PTPRN2: variants seen among roughly 807,000 people sequenced by gnomAD.
PTPRN2 encodes protein tyrosine phosphatase receptor type N2.
Under a neutral mutation model 118.8 loss-of-function variants are expected in PTPRN2, and 74 were observed. That is an observed-to-expected ratio of 0.62 (90% CI 0.52 to 0.76). The LOEUF (loss-of-function observed/expected upper bound fraction) is 0.76, where lower values mean the gene tolerates loss of function less well. Among genes scored for constraint, PTPRN2 ranks in the 30% least tolerant of loss-of-function variants. The pLI is 0.00. For missense variants in PTPRN2, 1,481 were observed against 1,394.4 expected, an observed-to-expected ratio of 1.06 and a Z score of -0.99; for synonymous variants, 641 against 608.0, an observed-to-expected ratio of 1.05 and a Z score of -0.80.
chr7:157,705,955 C>A (rs1017018610), intron 12 of PTPRN2, among the ~76,000 whole-genome samples: 17 of 152,118 alleles, frequency 1.1e-4, no homozygotes, highest in Non-Finnish European at 2.4e-4. Flanking sequence ...GTGAATCTGA[C>A]GCCAGTGCCT....
intron 3 of PTPRN2, among the ~76,000 whole-genome samples, chr7:158,249,663 A>G (rs1563037645): frequency 6.6e-6 from 1 of 152,352 alleles, no homozygotes; most frequent in East Asian, 1.9e-4. Flanking sequence ...CAGCCAATAA[A>G]ATGTGGAAGA....
intron 3 of PTPRN2, among the ~76,000 whole-genome samples, chr7:158,249,585 G>A (rs1027891777): frequency 2.5e-4 from 38 of 150,934 alleles, no homozygotes; most frequent in African/African-American, 8.3e-4. Flanking sequence ...GCATGCACAC[G>A]CATCACACAC....
Position 158,479,830 on chromosome 7 carries a change from G to A in PTPRN2, c.163+9905C>T, listed in dbSNP as rs7785318. Among the ~76,000 whole-genome samples, 1,397 of 152,362 alleles carry A rather than the reference G, an allele frequency of 9.2e-3. 27 individuals are homozygous for A. The highest frequency in any genetic ancestry group is 0.031 in the African/African-American group (1,285 of 41,596). On this transcript the variant is annotated intron_variant, in intron 2 of 22. Transcript: ENST00000389418. ...CTCGGAGAGCTCACAGGGTACTACG[G>A]GGTGGCGGGCGCAAGCCAGCTCTGC...
Position 157,548,973 on chromosome 7 carries a change from G to A in PTPRN2, c.2949C>T (p.Asp983=). ...DIAATLEHLR[D]QRPGMVQTKE... Reference sequence around the variant, plus strand: ...TCGTCTGGACCATGCCGGGTCTCTGGTCCCTCAAGTGCTCCAGGGTCGCTG... The same window carrying A: ...TCGTCTGGACCATGCCGGGTCTCTGATCCCTCAAGTGCTCCAGGGTCGCTG... The change falls in exon 22 of 23, where the codon GAC becomes GAT. Residue 983 remains aspartate, a synonymous_variant. Transcript: ENST00000389418. 4.3e-6 allele frequency: 7 copies of A among 1,614,182 alleles called. No individual in the cohort carries two copies. Among genetic ancestry groups the A allele is most frequent in the Non-Finnish European group, 5.9e-6 (7 of 1,180,026 alleles).
In PTPRN2 at chr7:158,158,736, T is replaced by A. The variant is rs1319293136; in HGVS notation, c.910+8195A>T. On this transcript the variant is annotated intron_variant, in intron 6 of 22. Transcript: ENST00000389418. Reference sequence around the variant, plus strand: ...CGGGACTTCGCAAGGGCTTTCTGAATGAATGAGTGAACTCGGAAGAATCAG... The same window carrying A: ...CGGGACTTCGCAAGGGCTTTCTGAAAGAATGAGTGAACTCGGAAGAATCAG... 1.2e-4 allele frequency among the ~76,000 whole-genome samples: 3 copies of A among 25,472 alleles called. 1 individual carries two copies. The highest frequency in any genetic ancestry group is 8.2e-4 in the African/African-American group (3 of 3,656). 16.7% of individuals were successfully genotyped at this position (25,472 alleles called of 152,430 possible).
In PTPRN2 at chr7:157,585,522, G is replaced by A. The variant is rs1800627627; in HGVS notation, c.2497-7382C>T. 2.0e-5 allele frequency among the ~76,000 whole-genome samples: 3 copies of A among 152,298 alleles called. No individual in the cohort carries two copies. Among genetic ancestry groups the A allele is most frequent in the East Asian group, 3.9e-4 (2 of 5,182 alleles). On this transcript the variant is annotated intron_variant, in intron 17 of 22. Coordinates refer to ENST00000389418, the MANE Select transcript of PTPRN2 (RefSeq NM_002847.5). The surrounding 1 kb of genome is among the most constrained non-coding windows in gnomAD (Gnocchi z 5.2). Reference sequence around the variant, plus strand: ...TCCACCCGGCCTTTGTGTGACCACCGTGGGTGCCTTTGTGATCAGGCATTG... The same window carrying A: ...TCCACCCGGCCTTTGTGTGACCACCATGGGTGCCTTTGTGATCAGGCATTG...
chr7:157,551,732 CACAACCCACA>C (rs1263399935), intron 21 of PTPRN2, among the ~76,000 whole-genome samples: 16 of 142,868 alleles, frequency 1.1e-4, no homozygotes, highest in African/African-American at 3.4e-4. Context: ...ACAGCCACCA[CACAACCCACA>C]GCCACCACAC....
intron 11 of PTPRN2, among the ~76,000 whole-genome samples, chr7:157,985,838 C>A (rs866663071): frequency 3.1e-4 from 47 of 152,212 alleles, no homozygotes; most frequent in African/African-American, 9.4e-4. Context: ...CTGACGAGAC[C>A]CGGCCTCGCT....
At chr7:157,712,707 C>T (rs768770327) in intron 12 of PTPRN2, among the ~76,000 whole-genome samples, 11 of 140,314 alleles carry the variant, frequency 7.8e-5, no homozygotes, top group Middle Eastern at 4.2e-3. Flanking sequence ...CCCAAGATTG[C>T]GCCATTGCAC....
chr7:157,685,392 G>T (rs1017753833), intron 12 of PTPRN2, among the ~76,000 whole-genome samples: 1 of 152,074 alleles, frequency 6.6e-6, no homozygotes, highest in Non-Finnish European at 1.5e-5. Context: ...TTCTGAGGGG[G>T]CGGCGGGGCC....
chr7:157,689,058 C>T (rs187337661), intron 12 of PTPRN2, among the ~76,000 whole-genome samples: 1 of 152,228 alleles, frequency 6.6e-6, no homozygotes, highest in East Asian at 1.9e-4. Context: ...CGCGTCCACC[C>T]GTGAATCCCG....
intron 14 of PTPRN2, among the ~76,000 whole-genome samples, chr7:157,651,533 C>T (rs773086231): frequency 8.5e-5 from 13 of 152,206 alleles, no homozygotes; most frequent in African/African-American, 1.4e-4. Context: ...AAGGTGGACG[C>T]GGTGGCTCCC....
At chr7:158,441,547 A>ATGGCAG (rs1817220120) in intron 2 of PTPRN2, among the ~76,000 whole-genome samples, 2 of 114,350 alleles carry the variant, frequency 1.7e-5, no homozygotes, top group South Asian at 6.2e-4. Context: ...AGTGATGGTG[A>ATGGCAG]TGGCAGTGAT....
In PTPRN2 at chr7:157,974,325, G is replaced by A. The variant is rs1224124191; in HGVS notation, c.1724-75588C>T. On this transcript the variant is annotated intron_variant, in intron 11 of 22. Coordinates refer to ENST00000389418, the MANE Select transcript of PTPRN2 (RefSeq NM_002847.5). This position sits in a 1 kb window ranked among gnomAD's most constrained non-coding sequence, Gnocchi z 4.0. ...CCACCCTGCCCACAAGGTCTTCCAC[G>A]GGGCTCCTCCCCAGCTCACGGGGAA... Among the ~76,000 whole-genome samples, 3 of 152,156 alleles carry A rather than the reference G, an allele frequency of 2.0e-5. No homozygotes were observed. The highest frequency in any genetic ancestry group is 4.4e-5 in the Non-Finnish European group (3 of 68,026).
At position 157,835,824 on chromosome 7, in the gene PTPRN2, C is replaced by CA. The variant is rs200822671; in HGVS notation, c.1788+62848dup. On this transcript the variant is annotated intron_variant, in intron 12 of 22. Coordinates refer to ENST00000389418, the MANE Select transcript of PTPRN2 (RefSeq NM_002847.5). ...CACATTAATGGAACCATAAAAATAA[C>CA]AAATAAAAACTTGTGTTTCACTGAT... Among the ~76,000 whole-genome samples, 726 of 151,904 alleles carry CA rather than the reference C, an allele frequency of 4.8e-3. 7 individuals carry two copies. The Middle Eastern group carries it at 0.058, about 12-fold the overall frequency.
chr7:157,824,695 C>T (rs1015309397), intron 12 of PTPRN2, among the ~76,000 whole-genome samples: 3 of 152,180 alleles, frequency 2.0e-5, no homozygotes, highest in Non-Finnish European at 2.9e-5. Flanking sequence ...GGGTCACTGG[C>T]TGTCTGTTGG....
chr7:158,164,532 GCA>G (rs375922832), intron 6 of PTPRN2, among the ~76,000 whole-genome samples: 132,315 of 149,288 alleles, frequency 0.89, 58,905 homozygotes, highest in African/African-American at 0.96. Flanking sequence ...GCGGGAGCGC[GCA>G]CGTAGGGAAG....
intron 3 of PTPRN2, among the ~76,000 whole-genome samples, chr7:158,284,199 C>T (rs1799621050): frequency 6.6e-6 from 1 of 152,230 alleles, no homozygotes; most frequent in Non-Finnish European, 1.5e-5. Context: ...ACTCACAAGA[C>T]TCAGTATTGG....
At chr7:157,918,882 C>A (rs1378490778) in intron 11 of PTPRN2, among the ~76,000 whole-genome samples, 6 of 152,246 alleles carry the variant, frequency 3.9e-5, no homozygotes. Flanking sequence ...CCTCCACCAG[C>A]CACGTTCCGG....
Sources: allele counts gnomAD v4.1 joint callset (sites outside exome capture counted in the v4.1 genomes callset), GRCh38; gene constraint gnomAD v4.1.1; non-coding constraint Gnocchi (gnomAD v3.1); transcripts MANE v1.5; gene names NCBI Gene and HGNC (gene_info 2026-07-23, HGNC 2026-07-21).